The following STIL variants were observed in gnomAD, a reference collection of about 807,000 sequenced individuals.
STIL encodes the protein SCL-interrupting locus protein.
STIL carries 55 observed loss-of-function variants against 110.1 expected under a neutral mutation model. The observed-to-expected ratio is 0.50, with a 90% confidence interval of 0.40 to 0.63. The LOEUF is 0.63. Ranked by LOEUF, STIL falls within the 20% of genes least tolerant of loss-of-function variation. STIL has a pLI of 0.00. For synonymous variants in STIL, 481 were observed against 530.0 expected, an observed-to-expected ratio of 0.91 and a Z score of 1.27; for missense variants, 1,358 against 1,530.0, an observed-to-expected ratio of 0.89 and a Z score of 1.87.
At chr1:47,292,992 CCTAA>C (rs928526188) in intron 8 of STIL, among the ~76,000 whole-genome samples, 55 of 152,218 alleles carry the variant, frequency 3.6e-4, no homozygotes, top group African/African-American at 1.3e-3. Context: ...GTAAAGTTTC[CCTAA>C]CTATTAATTC....
In STIL at chr1:47,282,442, G is replaced by T; in HGVS notation, c.1151C>A (p.Ser384Tyr). ...ATCATGTATTGGCATCTTCCCAGAAGATAACTTTTGGGAAGACCTAAAGAA... is the reference window on the plus strand; with the variant it reads ...ATCATGTATTGGCATCTTCCCAGAATATAACTTTTGGGAAGACCTAAAGAA... ...FSIKRSSQKL[S>Y]SGKMPIHDHD... The change falls in exon 11 of 17, where the codon TCT becomes TAT. Residue 384 changes from serine (S) to tyrosine (Y), a missense_variant. Coordinates refer to ENST00000371877, the MANE Select transcript of STIL (RefSeq NM_001048166.1). The T allele has an allele frequency of 6.2e-7, 1 of 1,612,354 alleles. No homozygotes were observed. Among genetic ancestry groups the T allele is most frequent in the Non-Finnish European group, 8.5e-7 (1 of 1,179,250 alleles).
At chr1:47,256,184 T>C (rs2821087) in intron 16 of STIL, among the ~76,000 whole-genome samples, 64,683 of 152,046 alleles carry the variant, frequency 0.43, 15,891 homozygotes, top group South Asian at 0.55. Flanking sequence ...TTATAAATAC[T>C]GACAGTAAAT....
chr1:47,314,517 C>G (rs1342819685), upstream of STIL, among the ~76,000 whole-genome samples: 1 of 152,200 alleles, frequency 6.6e-6, no homozygotes, highest in Non-Finnish European at 1.5e-5. Context: ...GATCATTGGT[C>G]GGCGACTGGA....
intron 3 of STIL, among the ~76,000 whole-genome samples, chr1:47,304,468 A>G (rs1453426528): frequency 3.3e-5 from 5 of 152,206 alleles, no homozygotes; most frequent in Admixed American, 1.3e-4. Context: ...CAAAACCTCA[A>G]TAGATCTATT....
chr1:47,313,072 C>A (rs1646181813), intron 1 of STIL: 3 of 152,210 alleles, frequency 2.0e-5, no homozygotes, highest in Admixed American at 1.3e-4. Context: ...GCTTGTAATC[C>A]CAGCATTTTG....
At chr1:47,272,337 GA>G in intron 12 of STIL, 96 bp from the exon 13 acceptor site, 1 of 1,288,670 alleles carries the variant, frequency 7.8e-7, no homozygotes, top group East Asian at 2.4e-5. Context: ...CTAATTATAA[GA>G]AACTGACTTT....
intron 15 of STIL, among the ~76,000 whole-genome samples, chr1:47,261,965 T>G (rs1207461397): frequency 6.6e-6 from 1 of 152,092 alleles, no homozygotes; most frequent in African/African-American, 2.4e-5. Flanking sequence ...GGACTTATGC[T>G]AAATTTTTTA....
intron 8 of STIL, 87 bp from the exon 9 acceptor site, chr1:47,289,672 TA>T: frequency 2.3e-6 from 3 of 1,314,220 alleles, no homozygotes; most frequent in Non-Finnish European, 3.3e-6. Context: ...CCAATCTAGT[TA>T]ACAAAATGAC....
chr1:47,256,372 C>T (rs1287410076), intron 16 of STIL, among the ~76,000 whole-genome samples: 1 of 152,102 alleles, frequency 6.6e-6, no homozygotes, highest in Admixed American at 6.6e-5. Context: ...CCTGCAATCC[C>T]AGCACTTTGG....
At chr1:47,259,048 G>A (rs1424516005) in intron 16 of STIL, among the ~76,000 whole-genome samples, 1 of 118,124 alleles carries the variant, frequency 8.5e-6, no homozygotes, top group African/African-American at 3.2e-5. Flanking sequence ...GTGCAGTGGC[G>A]CAATCTCGGC....
At chr1:47,277,372 G>A (rs2148934446) in intron 12 of STIL, among the ~76,000 whole-genome samples, 1 of 152,264 alleles carries the variant, frequency 6.6e-6, no homozygotes, top group East Asian at 1.9e-4. Flanking sequence ...AAGGGCCAAG[G>A]TAAAGCATTT....
intron 6 of STIL, among the ~76,000 whole-genome samples, chr1:47,296,455 A>G (rs1174205056): frequency 6.6e-6 from 1 of 152,206 alleles, no homozygotes; most frequent in Non-Finnish European, 1.5e-5. Context: ...TAAGAATACA[A>G]AAAACCAAAG....
At chr1:47,282,048 G>T (rs907964658) in intron 11 of STIL, among the ~76,000 whole-genome samples, 1 of 152,060 alleles carries the variant, frequency 6.6e-6, no homozygotes, top group East Asian at 1.9e-4. Context: ...CTTACTAGTT[G>T]TGTGTCTTGG....
intron 12 of STIL, 88 bp downstream of exon 12, chr1:47,280,153 A>G: frequency 1.9e-6 from 3 of 1,557,054 alleles, no homozygotes; most frequent in Non-Finnish European, 1.8e-6. Context: ...CTATACTTCT[A>G]TAAAACATCA....
chr1:47,279,443 G>A (rs1381297074), intron 12 of STIL, among the ~76,000 whole-genome samples: 1 of 152,064 alleles, frequency 6.6e-6, no homozygotes, highest in African/African-American at 2.4e-5. Flanking sequence ...GTGGAGGAAG[G>A]ACGTCAGTGA....
chr1:47,270,670 CTTTTTTTTTTT>C, intron 13 of STIL, among the ~76,000 whole-genome samples: 2 of 94,078 alleles, frequency 2.1e-5, no homozygotes, highest in East Asian at 7.6e-4. Flanking sequence ...GTTTCCCAAT[CTTTTTTTTTTT>C]TTTTTTTTTT....
At position 47,265,243 on chromosome 1, in the gene STIL, A is replaced by AAAAAAAAAAAAC. The variant is rs1253638479; in HGVS notation, c.2616-2128_2616-2127insGTTTTTTTTTTT. Among the ~76,000 whole-genome samples the AAAAAAAAAAAAC allele has an allele frequency of 3.4e-5, 5 of 149,176 alleles. No individual in the cohort carries two copies. The East Asian group carries it at 8.1e-4, about 24-fold the overall frequency. ...AGAGCAACACTCCATCTCCCAAAAA[A>AAAAAAAAAAAAC]AAAAAAAAAAAAAAAAACACAAGAT... On this transcript the variant is annotated intron_variant, in intron 14 of 16. Transcript: ENST00000371877.
chr1:47,265,169 G>A (rs1416109143), intron 14 of STIL, among the ~76,000 whole-genome samples: 2 of 132,996 alleles, frequency 1.5e-5, no homozygotes, highest in African/African-American at 5.3e-5. Context: ...CCAGGAGGTG[G>A]AGGTTGCAGT....
At chr1:47,307,128 G>C (rs1324459825) in intron 2 of STIL, among the ~76,000 whole-genome samples, 1 of 152,180 alleles carries the variant, frequency 6.6e-6, no homozygotes, top group East Asian at 1.9e-4. Flanking sequence ...TACAGCTTGG[G>C]TGACAAGAGC....
Sources: gnomAD v4.1 joint callset for allele counts (sites outside exome capture counted in the v4.1 genomes callset) on GRCh38, gnomAD v4.1.1 for gene constraint, MANE v1.5 for transcripts, NCBI Gene and HGNC (gene_info 2026-07-23, HGNC 2026-07-21) for gene names.